The following CCDC73 variants were observed in gnomAD, a reference collection of about 807,000 sequenced individuals.
The protein encoded by CCDC73 is coiled-coil domain-containing protein 73.
CCDC73 carries 95 observed loss-of-function variants against 116.5 expected under a neutral mutation model. The ratio of observed to expected loss-of-function variants is 0.82; its 90% confidence interval spans 0.69 to 0.97. The LOEUF is 0.97. CCDC73 is among the 50% of genes least tolerant of loss of function. The probability of loss-of-function intolerance (pLI) is 0.00; values close to 1 mark genes in which losing one functional copy is unlikely to be tolerated. For missense variants in CCDC73, 1,066 were observed against 1,206.8 expected (o/e 0.88, Z 1.73); for synonymous variants, 398 against 401.3 (o/e 0.99, Z 0.10).
At chr11:32,822,565 G>T in the CCDC73 span, among the ~76,000 whole-genome samples, 3 of 152,256 alleles carry the variant, frequency 2.0e-5, no homozygotes, top group Middle Eastern at 3.4e-3. Flanking sequence ...TTTAGCATCT[G>T]CCAGGTCCTA....
the CCDC73 span, among the ~76,000 whole-genome samples, chr11:32,801,019 C>T: frequency 0.011 from 1,617 of 152,274 alleles, 30 homozygotes; most frequent in African/African-American, 0.037. Context: ...TCCTTAGTCT[C>T]TTTGTTTTGC....
chr11:32,758,812 A>G (rs929263720), intron 2 of CCDC73, among the ~76,000 whole-genome samples: 6 of 152,180 alleles, frequency 3.9e-5, no homozygotes. Context: ...TTCACTTAGG[A>G]AAGATAACAT....
At chr11:32,668,482 T>C (rs1207509949) in intron 9 of CCDC73, among the ~76,000 whole-genome samples, 1 of 152,060 alleles carries the variant, frequency 6.6e-6, no homozygotes. Flanking sequence ...CGATTTACCT[T>C]TGTCTAATAT....
rs1565094387 is a variant in CCDC73, at chr11:32,755,894, C to CATATATATCTATATATATCTCCAT, written c.135+4191_135+4214dup. 6.1e-4 allele frequency among the ~76,000 whole-genome samples: 59 copies of CATATATATCTATATATATCTCCAT among 96,538 alleles called. 12 individuals are homozygous for CATATATATCTATATATATCTCCAT. Among genetic ancestry groups the CATATATATCTATATATATCTCCAT allele is most frequent in the South Asian group, 1.0e-3 (3 of 2,860 alleles). The allele number at this position is 96,538 out of a possible 152,430, so 63.3% of individuals were successfully genotyped here. ...ATATATATATCTGTGTATATATCTC[C>CATATATATCTATATATATCTCCAT]ATATATATCTATATATATCTCCATA... On this transcript the variant is annotated intron_variant, in intron 2 of 17. Coordinates refer to ENST00000335185, the MANE Select transcript of CCDC73 (RefSeq NM_001008391.4).
chr11:32,730,427 G>A (rs931036647), intron 2 of CCDC73, among the ~76,000 whole-genome samples: 9 of 151,954 alleles, frequency 5.9e-5, no homozygotes, highest in Non-Finnish European at 1.5e-5. Flanking sequence ...GGATTTTTTT[G>A]CTGGGAATAG....
chr11:32,706,045 G>A (rs897820430), intron 3 of CCDC73, among the ~76,000 whole-genome samples: 1 of 148,422 alleles, frequency 6.7e-6, no homozygotes, highest in Middle Eastern at 3.2e-3. Context: ...AAGGCAAAGT[G>A]AGAACATCAC....
intron 16 of CCDC73, 125 bp downstream of exon 16, chr11:32,613,297 A>T: frequency 1.3e-6 from 1 of 778,444 alleles, no homozygotes; most frequent in South Asian, 2.1e-5. Flanking sequence ...AAAGAATATT[A>T]AGTTGTTCCT....
chr11:32,648,920 T>C (rs1194614322), intron 12 of CCDC73, among the ~76,000 whole-genome samples: 2 of 152,168 alleles, frequency 1.3e-5, no homozygotes, highest in Non-Finnish European at 2.9e-5. Flanking sequence ...TATATTCTAT[T>C]AGGAAATTAT....
At chr11:32,764,513 A>G (rs549941118) in intron 1 of CCDC73, among the ~76,000 whole-genome samples, 141 of 152,284 alleles carry the variant, frequency 9.3e-4, no homozygotes, top group African/African-American at 3.0e-3. Flanking sequence ...CAGCCAAACT[A>G]TGCTTCATAA....
chr11:32,660,957 CTT>C (rs761924756), intron 9 of CCDC73, among the ~76,000 whole-genome samples: 37 of 152,232 alleles, frequency 2.4e-4, no homozygotes, highest in Admixed American at 5.2e-4. Flanking sequence ...GAAGTAATGA[CTT>C]AATATAAACA....
At position 32,608,682 on chromosome 11, in the gene CCDC73, C is replaced by T. The variant is rs138007444; in HGVS notation, c.3030+2450G>A. On this transcript the variant is annotated intron_variant, in intron 17 of 17. Transcript: ENST00000335185. ...AGGGACTCTATATGGGGGCTCTGACCCCACATTTCTCTTCCACATTGCCCT... is the reference window on the plus strand; with the variant it reads ...AGGGACTCTATATGGGGGCTCTGACTCCACATTTCTCTTCCACATTGCCCT... Among the ~76,000 whole-genome samples the T allele has an allele frequency of 7.2e-3, 1,090 of 152,300 alleles. 17 individuals carry two copies. Among genetic ancestry groups the T allele is most frequent in the African/African-American group, 0.025 (1,051 of 41,552 alleles).
intron 1 of CCDC73, among the ~76,000 whole-genome samples, chr11:32,760,963 G>A (rs1850386836): frequency 6.6e-6 from 1 of 152,140 alleles, no homozygotes; most frequent in Admixed American, 6.6e-5. Context: ...AGTTATACAT[G>A]TACTTATTTG....
intron 9 of CCDC73, among the ~76,000 whole-genome samples, chr11:32,660,509 ATAT>A (rs1316076627): frequency 2.6e-5 from 4 of 152,098 alleles, no homozygotes; most frequent in African/African-American, 7.2e-5. Flanking sequence ...GGAAAAGCAG[ATAT>A]TATTGTATTT....
chr11:32,775,663 G>A lies in CCDC73; in HGVS notation c.-15-15405C>T, dbSNP rs540290305. The stretch of plus-strand genomic sequence containing the variant: ...AATAAATTTATCTCACCTAGTCCCT[G>A]AGGGTACTTAGTTAGTGACCTCTGC... On this transcript the variant is annotated intron_variant, in intron 1 of 17. Coordinates refer to ENST00000335185, the MANE Select transcript of CCDC73 (RefSeq NM_001008391.4). Among the ~76,000 whole-genome samples the A allele has an allele frequency of 1.2e-4, 18 of 152,228 alleles. No individual in the cohort carries two copies. In the East Asian group the frequency reaches 3.3e-3, roughly 28 times the overall value.
rs1855468448 is a variant in CCDC73, at chr11:32,615,835, A to C, written c.1375+105T>G. ...GCAGAAACCAGAATCCAAAAAGACTAGGAATAAGTCATGAAGAGGGGAGGC... is the reference window on the plus strand; with the variant it reads ...GCAGAAACCAGAATCCAAAAAGACTCGGAATAAGTCATGAAGAGGGGAGGC... On this transcript the variant is annotated intron_variant, in intron 15 of 17. Transcript: ENST00000335185. 2.8e-6 allele frequency: 3 copies of C among 1,060,196 alleles called. No individual in the cohort carries two copies. The African/African-American group carries it at 4.9e-5, about 17-fold the overall frequency. 65.7% of individuals were successfully genotyped at this position (1,060,196 alleles called of 1,614,324 possible).
chr11:32,690,667 C>T (rs1463155392), intron 6 of CCDC73, among the ~76,000 whole-genome samples: 1 of 152,166 alleles, frequency 6.6e-6, no homozygotes, highest in Non-Finnish European at 1.5e-5. Context: ...CATGGTAAGA[C>T]ATGCTTACTT....
At chr11:32,800,415 C>T in the CCDC73 span, among the ~76,000 whole-genome samples, 1 of 152,002 alleles carries the variant, frequency 6.6e-6, no homozygotes, top group African/African-American at 2.4e-5. Context: ...CACAGTGAGA[C>T]TTCATCTATA....
chr11:32,649,368 T>C (rs1369411653), intron 12 of CCDC73, among the ~76,000 whole-genome samples: 2 of 152,224 alleles, frequency 1.3e-5, no homozygotes, highest in East Asian at 1.9e-4. Context: ...AACATAACTA[T>C]GCTTATAACT....
intron 1 of CCDC73, among the ~76,000 whole-genome samples, chr11:32,765,962 C>T (rs548383643): frequency 5.1e-4 from 78 of 152,280 alleles, no homozygotes; most frequent in African/African-American, 1.9e-3. Context: ...TTTTATGAGG[C>T]CAGCATCATC....
Sources: gnomAD v4.1 joint callset for allele counts (sites outside exome capture counted in the v4.1 genomes callset) on GRCh38, gnomAD v4.1.1 for gene constraint, MANE v1.5 for transcripts, NCBI Gene and HGNC (gene_info 2026-07-23, HGNC 2026-07-21) for gene names.